The following DRC9 variants were observed in gnomAD, a reference collection of about 807,000 sequenced individuals.
DRC9 encodes the protein dynein regulatory complex protein 9.
the DRC9 span, among the ~76,000 whole-genome samples, chr3:197,952,174 T>G: frequency 1.5e-5 from 2 of 136,692 alleles, no homozygotes; most frequent in Non-Finnish European, 3.2e-5. Context: ...TTTTTTTTTT[T>G]TTTTTTTTTT....
At chr3:197,909,612 T>C in the DRC9 span, among the ~76,000 whole-genome samples, 2 of 152,340 alleles carry the variant, frequency 1.3e-5, no homozygotes, top group Non-Finnish European at 2.9e-5. Context: ...GCTGTACTGC[T>C]ACAGAAAACA....
chr3:197,930,632 C>A, the DRC9 span, among the ~76,000 whole-genome samples: 2 of 150,792 alleles, frequency 1.3e-5, no homozygotes, highest in African/African-American at 4.9e-5. Context: ...CCCAGCTACT[C>A]GGGAGGCTAC....
chr3:197,914,838 G>T, the DRC9 span, among the ~76,000 whole-genome samples: 9 of 152,112 alleles, frequency 5.9e-5, no homozygotes, highest in African/African-American at 2.2e-4. Flanking sequence ...TGGCTCATTC[G>T]ATACCTGAAG....
chr3:197,903,989 CACATATATATATACAT>C, the DRC9 span, among the ~76,000 whole-genome samples: 600 of 143,358 alleles, frequency 4.2e-3, 3 homozygotes, highest in African/African-American at 0.012. Context: ...CATACACACA[CACATATATATATACAT>C]ACATATATAT....
chr3:197,924,708 C>T, the DRC9 span, among the ~76,000 whole-genome samples: 3 of 152,084 alleles, frequency 2.0e-5, no homozygotes, highest in Non-Finnish European at 2.9e-5. Flanking sequence ...TGAGTAGAAA[C>T]GGGGTTTCAG....
the DRC9 span, chr3:197,906,826 G>GC: frequency 2.6e-5 from 4 of 152,194 alleles, no homozygotes; most frequent in Non-Finnish European, 5.9e-5. Context: ...AGTCCTAAGA[G>GC]CTAGGGGAGA....
At chr3:197,900,570 G>A in the DRC9 span, among the ~76,000 whole-genome samples, 1 of 139,788 alleles carries the variant, frequency 7.2e-6, no homozygotes, top group Admixed American at 7.0e-5. The surrounding 1 kb of genome is among the most constrained non-coding windows in gnomAD (Gnocchi z 4.7). Flanking sequence ...AAGGCTCTGG[G>A]CAGAGGATAC....
At chr3:197,949,424 C>T in the DRC9 span, 1 of 152,330 alleles carries the variant, frequency 6.6e-6, no homozygotes, top group East Asian at 1.9e-4. Context: ...GGCGATAAAG[C>T]CTCCTGCAGG....
chr3:197,899,603 A>C, the DRC9 span, among the ~76,000 whole-genome samples: 1 of 152,194 alleles, frequency 6.6e-6, no homozygotes, highest in African/African-American at 2.4e-5. Context: ...GTGTTTACCC[A>C]AGAATGCCAC....
At chr3:197,922,717 T>C in the DRC9 span, among the ~76,000 whole-genome samples, 1 of 147,512 alleles carries the variant, frequency 6.8e-6, no homozygotes, top group Non-Finnish European at 1.5e-5. Flanking sequence ...AAAATAAAAA[T>C]AAATAAATAA....
chr3:197,917,231 C>T, the DRC9 span, among the ~76,000 whole-genome samples: 5 of 152,350 alleles, frequency 3.3e-5, no homozygotes, highest in South Asian at 8.3e-4. Context: ...GTGGTAGACT[C>T]CCTTGAGCCC....
the DRC9 span, among the ~76,000 whole-genome samples, chr3:197,925,827 G>A: frequency 9.9e-5 from 15 of 151,740 alleles, no homozygotes; most frequent in Non-Finnish European, 1.9e-4. Flanking sequence ...CAGGAGATCC[G>A]CCCGCCTCAG....
At chr3:197,898,014 C>T in the DRC9 span, among the ~76,000 whole-genome samples, 1 of 151,054 alleles carries the variant, frequency 6.6e-6, no homozygotes, top group Non-Finnish European at 1.5e-5. Context: ...ATCTCCTGAC[C>T]TCGTGATCCA....
chr3:197,918,804 G>C, the DRC9 span, among the ~76,000 whole-genome samples: 1 of 152,116 alleles, frequency 6.6e-6, no homozygotes, highest in Non-Finnish European at 1.5e-5. Context: ...CATCATGGAA[G>C]TGTTTTTTAT....
chr3:197,937,025 C>G, the DRC9 span, among the ~76,000 whole-genome samples: 1 of 152,210 alleles, frequency 6.6e-6, no homozygotes, highest in Non-Finnish European at 1.5e-5. Context: ...CGTAAGTTCT[C>G]TTTGGCAACG....
At chr3:197,924,037 G>A in the DRC9 span, among the ~76,000 whole-genome samples, 1 of 152,210 alleles carries the variant, frequency 6.6e-6, no homozygotes, top group East Asian at 1.9e-4. Flanking sequence ...CAGCCTGAGT[G>A]ACAGAGTGAA....
the DRC9 span, among the ~76,000 whole-genome samples, chr3:197,915,869 T>G: frequency 4.6e-5 from 7 of 152,198 alleles, no homozygotes. Flanking sequence ...CCTCAGGTGA[T>G]CCACCTGCCT....
chr3:197,903,251 A>G, the DRC9 span, among the ~76,000 whole-genome samples: 2 of 152,254 alleles, frequency 1.3e-5, no homozygotes, highest in Non-Finnish European at 2.9e-5. Context: ...ACACTGGGGA[A>G]ACTCTCCAGG....
chr3:197,917,571 C>T, the DRC9 span, among the ~76,000 whole-genome samples: 1 of 152,184 alleles, frequency 6.6e-6, no homozygotes, highest in East Asian at 1.9e-4. Flanking sequence ...CCTATTTTCT[C>T]ATCTGTAAAA....
Sources: allele counts gnomAD v4.1 joint callset (sites outside exome capture counted in the v4.1 genomes callset), GRCh38; gene constraint gnomAD v4.1.1; non-coding constraint Gnocchi (gnomAD v3.1); transcripts MANE v1.5; gene names NCBI Gene and HGNC (gene_info 2026-07-23, HGNC 2026-07-21).